The following SAMD3 variants were observed in gnomAD, a reference collection of about 807,000 sequenced individuals.
SAMD3 encodes sterile alpha motif domain containing 3, also known as sterile alpha motif domain-containing protein 3.
SAMD3 carries 63 observed loss-of-function variants against 58.5 expected under a neutral mutation model. That is an observed-to-expected ratio of 1.08 (90% CI 0.88 to 1.33). The LOEUF (loss-of-function observed/expected upper bound fraction) is 1.33, where lower values mean the gene tolerates loss of function less well. SAMD3 is among the 40% of genes most tolerant of loss of function. The pLI is 0.00. For missense variants in SAMD3, 604 were observed against 608.4 expected, an observed-to-expected ratio of 0.99 and a Z score of 0.08; for synonymous variants, 220 against 210.3, an observed-to-expected ratio of 1.05 and a Z score of -0.40.
intron 9 of SAMD3, among the ~76,000 whole-genome samples, chr6:130,149,743 A>G (rs1184215442): frequency 6.6e-6 from 1 of 152,194 alleles, no homozygotes; most frequent in African/African-American, 2.4e-5. Flanking sequence ...GTGAGGATCG[A>G]AAAACTACCT....
chr6:130,314,428 T>C (rs1207807569), intron 1 of SAMD3, among the ~76,000 whole-genome samples: 1 of 152,204 alleles, frequency 6.6e-6, no homozygotes, highest in Non-Finnish European at 1.5e-5. Flanking sequence ...CTTAAAAACA[T>C]AGAGATTACA....
chr6:130,249,009 T>C (rs981758486), intron 2 of SAMD3, among the ~76,000 whole-genome samples: 13 of 152,156 alleles, frequency 8.5e-5, no homozygotes, highest in African/African-American at 3.1e-4. Flanking sequence ...AAGAATAAAA[T>C]TTATCCATGA....
intron 5 of SAMD3, among the ~76,000 whole-genome samples, chr6:130,202,996 C>T (rs1794779789): frequency 6.6e-6 from 1 of 152,132 alleles, no homozygotes; most frequent in Non-Finnish European, 1.5e-5. Flanking sequence ...TCGGTTCACA[C>T]ACCTTGTTTC....
At chr6:130,259,967 A>G (rs570282291) in intron 2 of SAMD3, among the ~76,000 whole-genome samples, 2 of 152,308 alleles carry the variant, frequency 1.3e-5, no homozygotes, top group African/African-American at 4.8e-5. Flanking sequence ...ACCACAGTCA[A>G]GATAAGAATA....
At position 130,144,699 on chromosome 6, in the gene SAMD3, A is replaced by AGTC; in HGVS notation, c.1381_1383dup (p.Asp461dup). The AGTC allele has an allele frequency of 6.2e-7, 1 of 1,614,086 alleles. No homozygotes were observed. Among genetic ancestry groups the AGTC allele is most frequent in the Non-Finnish European group, 8.5e-7 (1 of 1,180,008 alleles). ...ACTAGCGCAGCCAAGGCTGTAACAC[A>AGTC]GTCGTCCACCTTTGTGAGCCTCTCC... On this transcript the variant is annotated inframe_insertion, in exon 12 of 12. Coordinates refer to ENST00000439090, the MANE Select transcript of SAMD3 (RefSeq NM_001017373.4).
At chr6:130,248,319 C>G (rs929370547) in intron 2 of SAMD3, among the ~76,000 whole-genome samples, 5 of 152,000 alleles carry the variant, frequency 3.3e-5, no homozygotes, top group Admixed American at 6.6e-5. Context: ...CCAATGGCCC[C>G]AACAAATAAC....
intron 2 of SAMD3, among the ~76,000 whole-genome samples, chr6:130,253,317 T>C (rs1292816033): frequency 1.3e-5 from 2 of 152,164 alleles, no homozygotes; most frequent in Non-Finnish European, 2.9e-5. Context: ...AAACTTCAAG[T>C]TCTTGTGAGT....
At chr6:130,333,693 G>A (rs965108660) in intron 1 of SAMD3, among the ~76,000 whole-genome samples, 62 of 152,096 alleles carry the variant, frequency 4.1e-4, no homozygotes, top group African/African-American at 1.3e-3. Flanking sequence ...TGTACTGTCC[G>A]ACAGGGGAGA....
chr6:130,293,488 A>G (rs1775452349), intron 2 of SAMD3, among the ~76,000 whole-genome samples: 1 of 151,868 alleles, frequency 6.6e-6, no homozygotes, highest in Non-Finnish European at 1.5e-5. Context: ...TATCTAAAAT[A>G]TTACTCTCTT....
At chr6:130,313,317 G>A (rs1776249193) in intron 1 of SAMD3, among the ~76,000 whole-genome samples, 1 of 152,178 alleles carries the variant, frequency 6.6e-6, no homozygotes, top group South Asian at 2.1e-4. Context: ...TTTGTAGGAT[G>A]TTTAGCAGCA....
At chr6:130,254,170 T>TTTTA (rs144371874) in intron 2 of SAMD3, among the ~76,000 whole-genome samples, 10,764 of 149,696 alleles carry the variant, frequency 0.072, 1,315 homozygotes, top group African/African-American at 0.25. Context: ...CTTTTTGTAT[T>TTTTA]TTTATTTATT....
chr6:130,215,688 G>T, intron 2 of SAMD3: 1 of 1,444,358 alleles, frequency 6.9e-7, no homozygotes, highest in East Asian at 2.5e-5. Flanking sequence ...CTCAGGAAGT[G>T]GTTGACATTT....
chr6:130,285,454 G>A (rs1017424654), intron 2 of SAMD3, among the ~76,000 whole-genome samples: 4 of 152,168 alleles, frequency 2.6e-5, no homozygotes, highest in Non-Finnish European at 5.9e-5. Flanking sequence ...CATGTTGCTT[G>A]TCTTCACTGA....
At chr6:130,324,772 A>ATTT (rs5880015) in intron 1 of SAMD3, among the ~76,000 whole-genome samples, 2 of 147,678 alleles carry the variant, frequency 1.4e-5, no homozygotes, top group African/African-American at 4.9e-5. Context: ...TTTGGAGAAC[A>ATTT]TTTTTTTTTT....
chr6:130,170,406 C>T (rs142657150), intron 8 of SAMD3, among the ~76,000 whole-genome samples: 6,239 of 152,212 alleles, frequency 0.041, 436 homozygotes, highest in African/African-American at 0.14. Context: ...CATAGTATTC[C>T]GTGGTGTATA....
intron 2 of SAMD3, among the ~76,000 whole-genome samples, chr6:130,295,709 A>T (rs1294683828): frequency 6.6e-6 from 1 of 152,136 alleles, no homozygotes; most frequent in African/African-American, 2.4e-5. Context: ...TCCCAGACCC[A>T]GGTGGGGTAG....
intron 2 of SAMD3, among the ~76,000 whole-genome samples, chr6:130,310,209 CA>C (rs1210452721): frequency 6.6e-6 from 1 of 152,160 alleles, no homozygotes; most frequent in African/African-American, 2.4e-5. Flanking sequence ...TGCAAAATAT[CA>C]TCACCGTAAT....
At position 130,196,995 on chromosome 6, in the gene SAMD3, C is replaced by A. The variant is rs6909809; in HGVS notation, c.384-12372G>T. Among the ~76,000 whole-genome samples, 9 of 151,866 alleles carry A rather than the reference C, an allele frequency of 5.9e-5. 1 individual carries two copies. The highest frequency in any genetic ancestry group is 2.1e-4 in the South Asian group (1 of 4,826). ...TCAGGCTCTTAGTATTCAGTGAAACCTTTATATCCCTTACGGTCCTCCATC... is the reference window on the plus strand; with the variant it reads ...TCAGGCTCTTAGTATTCAGTGAAACATTTATATCCCTTACGGTCCTCCATC... On this transcript the variant is annotated intron_variant, in intron 5 of 11. Coordinates refer to ENST00000439090, the MANE Select transcript of SAMD3 (RefSeq NM_001017373.4).
At chr6:130,254,563 A>T (rs957656724) in intron 2 of SAMD3, among the ~76,000 whole-genome samples, 1 of 152,130 alleles carries the variant, frequency 6.6e-6, no homozygotes, top group Non-Finnish European at 1.5e-5. Context: ...TCCTAGGCTC[A>T]AGCAATCTGC....
Sources: allele counts gnomAD v4.1 joint callset (sites outside exome capture counted in the v4.1 genomes callset), GRCh38; gene constraint gnomAD v4.1.1; transcripts MANE v1.5; gene names NCBI Gene and HGNC (gene_info 2026-07-23, HGNC 2026-07-21).